RBFOX1: variants seen among roughly 807,000 people sequenced by gnomAD.
The protein encoded by RBFOX1 is RNA binding fox-1 homolog 1, also known as RNA binding protein fox-1 homolog 1.
In RBFOX1, 8 loss-of-function variants were observed where a neutral mutation model predicts 57.7. The observed-to-expected ratio is 0.14, with a 90% confidence interval of 0.08 to 0.25. RBFOX1 has a LOEUF of 0.25. Among genes scored for constraint, RBFOX1 ranks in the 10% least tolerant of loss-of-function variants. The pLI is 1.00. For synonymous variants in RBFOX1, 326 were observed against 222.4 expected (o/e 1.47, Z -4.15); for missense variants, 611 against 548.5 (o/e 1.11, Z -1.14).
chr16:6,181,505 A>C (rs1162474416), intron 1 of RBFOX1, among the ~76,000 whole-genome samples: 1 of 152,182 alleles, frequency 6.6e-6, no homozygotes, highest in African/African-American at 2.4e-5. Context: ...TGACTTCCTC[A>C]CTCAGCCATA....
At chr16:6,459,129 A>T (rs528944691) in intron 2 of RBFOX1, among the ~76,000 whole-genome samples, 1 of 152,210 alleles carries the variant, frequency 6.6e-6, no homozygotes, top group African/African-American at 2.4e-5. Flanking sequence ...AGGTCAGCAG[A>T]TCGAGACCAT....
In RBFOX1 at chr16:5,829,800, C is replaced by T. The variant is rs554572238; in HGVS notation, c.319-37503C>T. 3.3e-5 allele frequency among the ~76,000 whole-genome samples: 5 copies of T among 152,314 alleles called. No individual in the cohort carries two copies. The South Asian group carries it at 1.0e-3, about 32-fold the overall frequency. ...GGCCTTTGAATGCCATCAGCAGCAA[C>T]TACAGAATCAAAGAGAAATTAGAAC... is the stretch of plus-strand genomic sequence containing the variant. On this transcript the variant is annotated intron_variant, in intron 3 of 19. Coordinates refer to the RBFOX1 transcript ENST00000641259.
At chr16:7,314,786 A>G (rs1205353539) in intron 4 of RBFOX1, among the ~76,000 whole-genome samples, 2 of 152,182 alleles carry the variant, frequency 1.3e-5, no homozygotes, top group Non-Finnish European at 2.9e-5. Context: ...TTTGTTCACG[A>G]TAAGTCAACA....
intron 4 of RBFOX1, among the ~76,000 whole-genome samples, chr16:7,499,336 C>T (rs1407256488): frequency 6.6e-6 from 1 of 152,162 alleles, no homozygotes; most frequent in East Asian, 1.9e-4. Flanking sequence ...AAGACACAGT[C>T]ATATGGATTC....
At chr16:7,496,757 A>AAAAAAAG in intron 4 of RBFOX1, among the ~76,000 whole-genome samples, 1 of 151,832 alleles carries the variant, frequency 6.6e-6, no homozygotes, top group Admixed American at 6.6e-5. Context: ...GAAAAAAAAA[A>AAAAAAAG]AACAGTTTGC....
chr16:7,349,343 C>G (rs1007010751), intron 4 of RBFOX1, among the ~76,000 whole-genome samples: 1 of 152,126 alleles, frequency 6.6e-6, no homozygotes, highest in African/African-American at 2.4e-5. Context: ...GATCGGTTTT[C>G]AATTTAAGTG....
In RBFOX1 at chr16:6,642,377, C is replaced by G. The variant is rs185587944; in HGVS notation, c.-63-12226C>G. Among the ~76,000 whole-genome samples the G allele has an allele frequency of 1.9e-3, 287 of 152,256 alleles. 3 individuals are homozygous for G. Among genetic ancestry groups the G allele is most frequent in the African/African-American group, 6.5e-3 (271 of 41,558 alleles). ...TCTCATTAAACTCCCGCTGTGATGC[C>G]AATGCATAGCTCTTATTTGCAAACA... is the stretch of plus-strand genomic sequence containing the variant. On this transcript the variant is annotated intron_variant, in intron 2 of 15. Coordinates refer to ENST00000550418, the MANE Select transcript of RBFOX1 (RefSeq NM_018723.4).
chr16:6,894,772 TAAA>T (rs965323516), intron 3 of RBFOX1, among the ~76,000 whole-genome samples: 8 of 152,206 alleles, frequency 5.3e-5, no homozygotes, highest in Non-Finnish European at 1.2e-4. Context: ...TCTATTATCT[TAAA>T]AAGCCATTTT....
rs371277644 is a variant in RBFOX1, at chr16:6,775,329, C to CAAA, written c.-16+120700_-16+120702dup. Among the ~76,000 whole-genome samples, 384 of 66,938 alleles carry CAAA rather than the reference C, an allele frequency of 5.7e-3. 13 individuals carry two copies. The highest frequency in any genetic ancestry group is 6.0e-3 in the Non-Finnish European group (200 of 33,060). The allele number at this position is 66,938 out of a possible 152,430, so 43.9% of individuals were successfully genotyped here. ...TGGGCGATACAGCGAGACTCTGTCTCAAAAAAAAAAAAAAAAAAAAAAAGT... is the reference window on the plus strand; with the variant it reads ...TGGGCGATACAGCGAGACTCTGTCTCAAAAAAAAAAAAAAAAAAAAAAAAAAGT... On this transcript the variant is annotated intron_variant, in intron 3 of 15. Coordinates refer to ENST00000550418, the MANE Select transcript of RBFOX1 (RefSeq NM_018723.4).
intron 3 of RBFOX1, among the ~76,000 whole-genome samples, chr16:6,804,000 A>C (rs1206204470): frequency 6.6e-6 from 1 of 151,666 alleles, no homozygotes; most frequent in Non-Finnish European, 1.5e-5. Flanking sequence ...ATAGTACATA[A>C]AACTCATACA....
At chr16:7,152,531 G>T (rs917069123) in intron 4 of RBFOX1, among the ~76,000 whole-genome samples, 2 of 152,140 alleles carry the variant, frequency 1.3e-5, no homozygotes, top group African/African-American at 2.4e-5. Flanking sequence ...CTACCAAAGA[G>T]TTAGCTGTGC....
At chr16:6,677,230 C>A (rs916033086) in intron 3 of RBFOX1, among the ~76,000 whole-genome samples, 8 of 152,238 alleles carry the variant, frequency 5.3e-5, no homozygotes, top group African/African-American at 1.9e-4. Context: ...TACAGGTTTT[C>A]CGTGCTCTAG....
chr16:5,324,764 C>T (rs943570765), intron 1 of RBFOX1, among the ~76,000 whole-genome samples: 3 of 152,058 alleles, frequency 2.0e-5, no homozygotes, highest in African/African-American at 7.3e-5. Flanking sequence ...GATGAACTCA[C>T]GGACACATAG....
chr16:7,313,874 C>T (rs957237020), intron 4 of RBFOX1, among the ~76,000 whole-genome samples: 1 of 152,128 alleles, frequency 6.6e-6, no homozygotes, highest in Non-Finnish European at 1.5e-5. Context: ...CTCACTGTGC[C>T]GGCCAGTGGC....
At chr16:7,061,244 G>T (rs977684935) in intron 4 of RBFOX1, among the ~76,000 whole-genome samples, 1 of 152,164 alleles carries the variant, frequency 6.6e-6, no homozygotes, top group East Asian at 1.9e-4. Context: ...AAACTCATAA[G>T]TACATTTAAA....
At chr16:6,906,005 C>T (rs957235812) in intron 3 of RBFOX1, among the ~76,000 whole-genome samples, 1 of 152,180 alleles carries the variant, frequency 6.6e-6, no homozygotes, top group South Asian at 2.1e-4. Context: ...TGAAGAAATC[C>T]TCTGCCTTCC....
intron 2 of RBFOX1, among the ~76,000 whole-genome samples, chr16:6,497,060 C>G (rs76169584): frequency 1.7e-4 from 26 of 152,300 alleles, no homozygotes; most frequent in Admixed American, 5.2e-4. Flanking sequence ...TCTCAAACCT[C>G]TTAGGTAGCA....
At position 5,649,398 on chromosome 16, in the gene RBFOX1, G is replaced by C. The variant is rs150292645; in HGVS notation, c.318+50437G>C. On this transcript the variant is annotated intron_variant, in intron 3 of 19. Coordinates refer to the RBFOX1 transcript ENST00000641259. ...TTGGCCAGGTTGGTCTTGAACTCCT[G>C]ACCTCAGGTGATCCACCTGCCTCGG... is the stretch of plus-strand genomic sequence containing the variant. Among the ~76,000 whole-genome samples the C allele has an allele frequency of 7.2e-3, 1,091 of 152,210 alleles. 11 individuals carry two copies. Among genetic ancestry groups the C allele is most frequent in the African/African-American group, 0.025 (1,025 of 41,522 alleles).
At chr16:7,294,915 A>G (rs557861916) in intron 4 of RBFOX1, among the ~76,000 whole-genome samples, 3 of 152,218 alleles carry the variant, frequency 2.0e-5, no homozygotes, top group Non-Finnish European at 4.4e-5. Flanking sequence ...ATCTCTTATT[A>G]GAAGGATAAG....
Sources: gnomAD v4.1 joint callset for allele counts (sites outside exome capture counted in the v4.1 genomes callset) on GRCh38, gnomAD v4.1.1 for gene constraint, MANE v1.5 for transcripts, NCBI Gene and HGNC (gene_info 2026-07-23, HGNC 2026-07-21) for gene names.